MYH10: variants seen among roughly 807,000 people sequenced by gnomAD.
MYH10 encodes myosin heavy chain 10.
MYH10 carries 55 observed loss-of-function variants against 257.8 expected under a neutral mutation model. The observed-to-expected ratio is 0.21, with a 90% CI of 0.17 to 0.27. The LOEUF is 0.27. Ranked by LOEUF, MYH10 falls within the 10% of genes least tolerant of loss-of-function variation. The pLI is 1.00. For synonymous variants in MYH10, 854 were observed against 921.7 expected, an observed-to-expected ratio of 0.93 and a Z score of 1.33; for missense variants, 1,631 against 2,500.6, an observed-to-expected ratio of 0.65 and a Z score of 7.42.
At chr17:8,549,847 C>T (rs1331824590) in intron 9 of MYH10, among the ~76,000 whole-genome samples, 2 of 150,052 alleles carry the variant, frequency 1.3e-5, no homozygotes, top group East Asian at 2.0e-4. Context: ...TGAAAGCTCG[C>T]GCCGCCACGC....
At position 8,509,961 on chromosome 17, in the gene MYH10, C is replaced by G. The variant is rs781355821; in HGVS notation, c.2953-12G>C. The stretch of plus-strand genomic sequence containing the variant: ...TGTTCTTCCAGGTCCTTGTGAAGAA[C>G]ACACAGTCAGTCTCGCCACTTTCTC... On this transcript the variant is annotated splice_polypyrimidine_tract_variant and intron_variant, in intron 24 of 42. Transcript: ENST00000360416. 1 of 1,600,804 alleles carries G rather than the reference C, an allele frequency of 6.2e-7. No individual in the cohort carries two copies. Among genetic ancestry groups the G allele is most frequent in the Admixed American group, 1.7e-5 (1 of 57,604 alleles).
chr17:8,492,473 C>T lies in MYH10; in HGVS notation c.4495G>A (p.Ala1499Thr). 1 of 1,612,360 alleles carries T rather than the reference C, an allele frequency of 6.2e-7. No individual in the cohort carries two copies. The highest frequency in any genetic ancestry group is 8.5e-7 in the Non-Finnish European group (1 of 1,180,014). The change falls in exon 34 of 43, where the codon GCC becomes ACC. Residue 1499 changes from alanine to threonine, a missense_variant. Transcript: ENST00000360416. Reference sequence around the variant, plus strand: ...GCTTCGGCCCGGTCCCGCTCTTCGGCATAGCGAGCAGAGATGCTCTTCTCT... The same window carrying T: ...GCTTCGGCCCGGTCCCGCTCTTCGGTATAGCGAGCAGAGATGCTCTTCTCT... ...AEEKSISARY[A>T]EERDRAEAEA...
intron 2 of MYH10, among the ~76,000 whole-genome samples, chr17:8,611,939 C>CT (rs2085055327): frequency 6.6e-6 from 1 of 152,226 alleles, no homozygotes; most frequent in Non-Finnish European, 1.5e-5. Flanking sequence ...AGTAGTGCCC[C>CT]TTATCTGTGG....
chr17:8,526,298 T>C (rs1191977079), intron 17 of MYH10, among the ~76,000 whole-genome samples: 1 of 152,104 alleles, frequency 6.6e-6, no homozygotes, highest in East Asian at 1.9e-4. Context: ...AGGCAGAAAA[T>C]GCGAAGAGAA....
intron 19 of MYH10, 123 bp from the exon 20 acceptor site, chr17:8,519,073 AATAC>A: frequency 1.5e-6 from 1 of 646,052 alleles, no homozygotes; most frequent in Non-Finnish European, 2.6e-6. Context: ...GATATGATGT[AATAC>A]ATGTTCAAGA....
At chr17:8,608,957 C>G (rs1431779617) in intron 2 of MYH10, among the ~76,000 whole-genome samples, 2 of 152,180 alleles carry the variant, frequency 1.3e-5, no homozygotes, top group East Asian at 3.9e-4. Context: ...ACTACAGGCG[C>G]CTGCCACCAC....
intron 4 of MYH10, among the ~76,000 whole-genome samples, chr17:8,578,355 G>C (rs2083578934): frequency 6.8e-6 from 1 of 148,044 alleles, no homozygotes; most frequent in African/African-American, 2.5e-5. Context: ...CAATTCTCCT[G>C]CCTCAGCTTC....
chr17:8,535,931 C>T lies in MYH10; in HGVS notation c.1606G>A (p.Ala536Thr). The T allele has an allele frequency of 1.2e-6, 2 of 1,612,218 alleles. No individual in the cohort carries two copies. The highest frequency in any genetic ancestry group is 2.7e-5 in the African/African-American group (2 of 74,896). ...AGGGCCAGTACACCAGGAGGGTTCG[C>T]CTGATAATGACAGGCAATAAGAATT... The part of the protein sequence containing the change: ...QPCIDLIERP[A>T]NPPGVLALLD... Residue 536 changes from alanine (A) to threonine (T), a missense_variant and splice_region_variant, in exon 15 of 43, where the codon GCG becomes ACG. Coordinates refer to ENST00000360416, the MANE Select transcript of MYH10 (RefSeq NM_001256012.3). This position sits in a 1 kb window ranked among gnomAD's most constrained non-coding sequence, Gnocchi z 4.3.
In MYH10 at chr17:8,476,904, C is replaced by T. The variant is rs1249074738; in HGVS notation, c.5851G>A (p.Glu1951Lys). Reference protein sequence around the residue: ...ATEANEGLSREVSTLKNRLRR... With the variant: ...ATEANEGLSRKVSTLKNRLRR... Reference sequence around the variant, plus strand: ...AGCCGGTTCTTCAGGGTGCTGACCTCGCGGCTCAGGCCCTCGTTGGCCTCG... The same window carrying T: ...AGCCGGTTCTTCAGGGTGCTGACCTTGCGGCTCAGGCCCTCGTTGGCCTCG... The change falls in exon 42 of 43, where the codon GAG (glutamate) becomes AAG (lysine). Residue 1951 changes from glutamate to lysine, a missense_variant. Coordinates refer to ENST00000360416, the MANE Select transcript of MYH10 (RefSeq NM_001256012.3). 1.2e-6 allele frequency: 2 copies of T among 1,611,632 alleles called. No individual in the cohort carries two copies. Among genetic ancestry groups the T allele is most frequent in the Non-Finnish European group, 1.7e-6 (2 of 1,179,978 alleles).
intron 24 of MYH10, among the ~76,000 whole-genome samples, chr17:8,510,225 G>A (rs2081219081): frequency 6.6e-6 from 1 of 151,262 alleles, no homozygotes; most frequent in Admixed American, 6.6e-5. Context: ...TTTTTTTTTG[G>A]TAGAGATGGG....
intron 2 of MYH10, among the ~76,000 whole-genome samples, chr17:8,606,756 C>A (rs2084826657): frequency 6.6e-6 from 1 of 152,224 alleles, no homozygotes; most frequent in South Asian, 2.1e-4. Context: ...GGGCCCTTAT[C>A]CTAAATTCAG....
At position 8,478,460 on chromosome 17, in the gene MYH10, C is replaced by T. The variant is rs1234481107; in HGVS notation, c.5598-14G>A. ...GCTGCTCGTTCCCTGTGAAAGTGGT[C>T]ACAGTAGTTTTGAAATTCTTGAAAT... On this transcript the variant is annotated splice_polypyrimidine_tract_variant and intron_variant, in intron 40 of 42. Coordinates refer to ENST00000360416, the MANE Select transcript of MYH10 (RefSeq NM_001256012.3). The T allele has an allele frequency of 6.2e-7, 1 of 1,612,052 alleles. No homozygotes were observed.
chr17:8,571,380 T>C (rs986142996), intron 6 of MYH10, among the ~76,000 whole-genome samples: 5 of 151,710 alleles, frequency 3.3e-5, no homozygotes, highest in Admixed American at 2.6e-4. Flanking sequence ...TTCACCATGT[T>C]AGCCAGGATG....
At chr17:8,549,336 G>A (rs1053601915) in intron 9 of MYH10, among the ~76,000 whole-genome samples, 9 of 152,306 alleles carry the variant, frequency 5.9e-5, no homozygotes, top group African/African-American at 1.9e-4. Flanking sequence ...TGGTTAAGTT[G>A]CCTTTAGAAT....
intron 17 of MYH10, among the ~76,000 whole-genome samples, chr17:8,524,660 G>A (rs1176283092): frequency 6.6e-6 from 1 of 151,906 alleles, no homozygotes; most frequent in East Asian, 1.9e-4. Flanking sequence ...CCCTTGCTGG[G>A]CTCCTGCTTC....
intron 40 of MYH10, among the ~76,000 whole-genome samples, chr17:8,479,127 C>G (rs1913223437): frequency 6.6e-6 from 1 of 152,158 alleles, no homozygotes; most frequent in Non-Finnish European, 1.5e-5. Flanking sequence ...AGTTTAATCA[C>G]CTAAACTTTT....
In MYH10 at chr17:8,622,939, T is replaced by C. The variant is rs994861913; in HGVS notation, c.308A>G (p.His103Arg). Reference protein sequence around the residue: ...LTCLNEASVLHNLKDRYYSGL... With the variant: ...LTCLNEASVLRNLKDRYYSGL... Reference sequence around the variant, plus strand: ...TGAATAGTAGCGATCCTTCAGATTATGTAAAACGGAAGCTTCATTCAAGCA... The same window carrying C: ...TGAATAGTAGCGATCCTTCAGATTACGTAAAACGGAAGCTTCATTCAAGCA... Residue 103 changes from histidine (H) to arginine (R), a missense_variant, in exon 2 of 43, where the codon CAT (histidine) becomes CGT (arginine). Around this residue, in one of 11 missense-constraint regions of MYH10, gnomAD observed 360 missense variants for 581.9 expected, o/e 0.62. Coordinates refer to ENST00000360416, the MANE Select transcript of MYH10 (RefSeq NM_001256012.3). The C allele has an allele frequency of 6.2e-7, 1 of 1,614,154 alleles. No homozygotes were observed. The highest frequency in any genetic ancestry group is 8.5e-7 in the Non-Finnish European group (1 of 1,179,982).
chr17:8,495,206 T>G lies in MYH10; in HGVS notation c.3987A>C (p.Glu1329Asp). 6.2e-7 allele frequency: 1 copy of G among 1,613,448 alleles called. No homozygotes were observed. The highest frequency in any genetic ancestry group is 8.5e-7 in the Non-Finnish European group (1 of 1,179,444). ...ELDNVSTLLEEAEKKGIKFAK... is the reference protein window; with the variant it reads ...ELDNVSTLLEDAEKKGIKFAK... ...CAAATTTAATACCCTTCTTCTCTGC[T>G]TCTTCCAGAAGGGTGGAGACATTAT... Residue 1329 changes from glutamate to aspartate, a missense_variant, in exon 31 of 43, where the codon GAA (glutamate) becomes GAC (aspartate). This residue lies in a region of MYH10 where 463 missense variants were observed against 621.8 expected (regional missense o/e 0.74). Transcript: ENST00000360416.
At chr17:8,557,541 T>C (rs1423387492) in intron 7 of MYH10, among the ~76,000 whole-genome samples, 1 of 152,210 alleles carries the variant, frequency 6.6e-6, no homozygotes, top group African/African-American at 2.4e-5. Flanking sequence ...TATTTCACGT[T>C]ATCTGACAGC....
Sources: allele counts gnomAD v4.1 joint callset (sites outside exome capture counted in the v4.1 genomes callset), GRCh38; gene constraint gnomAD v4.1.1; regional missense constraint gnomAD v4.1.1; non-coding constraint Gnocchi (gnomAD v3.1); transcripts MANE v1.5; gene names NCBI Gene and HGNC (gene_info 2026-07-23, HGNC 2026-07-21).